DOCK4: variants seen among roughly 807,000 people sequenced by gnomAD.
DOCK4 encodes dedicator of cytokinesis 4.
Under a neutral mutation model 268.1 loss-of-function variants are expected in DOCK4, and 97 were observed. That is an observed-to-expected ratio of 0.36 (90% confidence interval 0.31 to 0.43). DOCK4 has a LOEUF of 0.43. Ranked by LOEUF, DOCK4 falls within the 20% of genes least tolerant of loss-of-function variation. DOCK4 has a pLI of 1.00. For missense variants in DOCK4, 2,145 were observed against 2,455.7 expected, an observed-to-expected ratio of 0.87 and a Z score of 2.67; for synonymous variants, 954 against 887.2, an observed-to-expected ratio of 1.08 and a Z score of -1.34.
chr7:111,977,040 A>C, intron 8 of DOCK4, 92 bp downstream of exon 8: 1 of 1,407,542 alleles, frequency 7.1e-7, no homozygotes, highest in Non-Finnish European at 9.5e-7. Flanking sequence ...GGAGTAAAAA[A>C]TATACAAGAT....
chr7:112,100,007 A>G (rs1810527130), intron 1 of DOCK4, among the ~76,000 whole-genome samples: 1 of 152,232 alleles, frequency 6.6e-6, no homozygotes, highest in Admixed American at 6.5e-5. Flanking sequence ...CTAGGTTATT[A>G]TAATTTTACA....
In DOCK4 at chr7:111,822,404, A is replaced by G; in HGVS notation, c.2888T>C (p.Met963Thr). ...TVFRILIRPE[M>T]FPKDWTVMRL... ...CATAACAGTCCAGTCCTTTGGAAAC[A>G]TCTCCGGGCGTATCAATATTCGGAA... is the stretch of plus-strand genomic sequence containing the variant. The change falls in exon 27 of 53, where the codon ATG (methionine) becomes ACG (threonine). Residue 963 changes from methionine to threonine, a missense_variant. This residue lies in a region of DOCK4 where 1,598 missense variants were observed against 1,986.7 expected (regional missense o/e 0.80). Transcript: ENST00000428084. The G allele has an allele frequency of 6.2e-7, 1 of 1,613,706 alleles. No individual in the cohort carries two copies. Among genetic ancestry groups the G allele is most frequent in the Non-Finnish European group, 8.5e-7 (1 of 1,179,770 alleles).
At chr7:111,935,332 G>T in intron 12 of DOCK4, 1 of 625,336 alleles carries the variant, frequency 1.6e-6, no homozygotes, top group Admixed American at 2.4e-5. Flanking sequence ...GTTTCAACAA[G>T]AATAGAATAC....
intron 1 of DOCK4, among the ~76,000 whole-genome samples, chr7:112,051,708 T>C (rs1805372235): frequency 6.6e-6 from 1 of 151,176 alleles, no homozygotes; most frequent in African/African-American, 2.5e-5. Flanking sequence ...GGAAGAACCT[T>C]TGGAGCTGCT....
At chr7:112,135,311 A>G (rs1814220423) in intron 1 of DOCK4, among the ~76,000 whole-genome samples, 1 of 152,044 alleles carries the variant, frequency 6.6e-6, no homozygotes. Flanking sequence ...TTTACGCTTT[A>G]CCTTTTTAGT....
intron 50 of DOCK4, among the ~76,000 whole-genome samples, chr7:111,735,561 ATACTAATATT>A (rs1171820406): frequency 2.0e-5 from 3 of 152,250 alleles, no homozygotes. Flanking sequence ...AGGCAATGAC[ATACTAATATT>A]TTAACTATTT....
At chr7:111,760,141 G>C in intron 40 of DOCK4, 40 bp downstream of exon 40, 1 of 1,605,920 alleles carries the variant, frequency 6.2e-7, no homozygotes, top group Non-Finnish European at 8.5e-7. Context: ...CTAAGAGCCA[G>C]TGCAATCTCA....
chr7:111,818,536 C>A (rs1174049944), intron 27 of DOCK4, among the ~76,000 whole-genome samples: 2 of 152,218 alleles, frequency 1.3e-5, no homozygotes, highest in Non-Finnish European at 2.9e-5. Context: ...GTCTTATCAT[C>A]CTTATTTCCA....
intron 1 of DOCK4, among the ~76,000 whole-genome samples, chr7:112,178,187 T>C (rs1054575388): frequency 1.9e-4 from 29 of 152,242 alleles, no homozygotes; most frequent in Admixed American, 1.7e-3. Context: ...GTGACAGCAG[T>C]GCATGCACTA....
chr7:112,171,010 C>T (rs937762724), intron 1 of DOCK4, among the ~76,000 whole-genome samples: 5 of 152,194 alleles, frequency 3.3e-5, no homozygotes, highest in East Asian at 3.8e-4. Context: ...GCTAAACTAA[C>T]GTGAACATGA....
chr7:112,162,322 C>T (rs766401255), intron 1 of DOCK4, among the ~76,000 whole-genome samples: 1 of 152,014 alleles, frequency 6.6e-6, no homozygotes, highest in Non-Finnish European at 1.5e-5. Context: ...GCTGGGCTGT[C>T]ACTCTTGGTA....
chr7:111,891,329 G>A (rs1465078416), intron 16 of DOCK4, among the ~76,000 whole-genome samples: 1 of 152,026 alleles, frequency 6.6e-6, no homozygotes, highest in African/African-American at 2.4e-5. Flanking sequence ...AGAACATACA[G>A]TTAAGCAATT....
At chr7:111,732,758 C>G (rs963425655) in intron 51 of DOCK4, among the ~76,000 whole-genome samples, 3 of 152,186 alleles carry the variant, frequency 2.0e-5, no homozygotes, top group Non-Finnish European at 4.4e-5. Context: ...CAGCTCCCCC[C>G]AAACAACCCC....
At chr7:111,905,636 T>C (rs931911329) in intron 13 of DOCK4, among the ~76,000 whole-genome samples, 1 of 152,082 alleles carries the variant, frequency 6.6e-6, no homozygotes, top group African/African-American at 2.4e-5. Context: ...TGTAAACCAC[T>C]GTACACTGTC....
chr7:112,028,127 G>C (rs1191471004), intron 1 of DOCK4, among the ~76,000 whole-genome samples: 1 of 152,190 alleles, frequency 6.6e-6, no homozygotes, highest in Non-Finnish European at 1.5e-5. Context: ...GGGAGCAACT[G>C]GTAGCTAAGT....
intron 13 of DOCK4, among the ~76,000 whole-genome samples, chr7:111,913,391 G>A (rs1180562632): frequency 1.3e-5 from 2 of 150,834 alleles, no homozygotes; most frequent in African/African-American, 2.4e-5. Flanking sequence ...GCAACATAGG[G>A]AGATCCCATC....
intron 12 of DOCK4, 112 bp downstream of exon 12, chr7:111,935,428 G>A: frequency 2.3e-6 from 2 of 872,564 alleles, no homozygotes; most frequent in Non-Finnish European, 3.9e-6. Context: ...TAAAGTTAGG[G>A]AGTGAATAGA....
At chr7:111,740,385 G>A (rs1173538560) in intron 47 of DOCK4, among the ~76,000 whole-genome samples, 3 of 150,166 alleles carry the variant, frequency 2.0e-5, no homozygotes, top group Non-Finnish European at 3.0e-5. Flanking sequence ...ACAGGCATGA[G>A]CCACTGCACC....
intron 35 of DOCK4, among the ~76,000 whole-genome samples, chr7:111,780,179 A>C (rs187551667): frequency 4.3e-4 from 65 of 152,328 alleles, no homozygotes; most frequent in African/African-American, 1.5e-3. Context: ...CTTTCCGCCC[A>C]TTACCTAACA....
Sources: gnomAD v4.1 joint callset for allele counts (sites outside exome capture counted in the v4.1 genomes callset) on GRCh38, gnomAD v4.1.1 for gene constraint, gnomAD v4.1.1 regional missense constraint, MANE v1.5 for transcripts, NCBI Gene and HGNC (gene_info 2026-07-23, HGNC 2026-07-21) for gene names.